The following TRAPPC9 variants were observed in gnomAD, a reference collection of about 807,000 sequenced individuals.
TRAPPC9 encodes trafficking protein particle complex subunit 9.
A neutral mutation model predicts 124.0 loss-of-function variants in TRAPPC9; 83 were observed. The ratio of observed to expected loss-of-function variants is 0.67; its 90% CI spans 0.56 to 0.80. The LOEUF is 0.80. TRAPPC9 is among the 30% of genes least tolerant of loss of function. The pLI is 0.00. For missense variants in TRAPPC9, 1,302 were observed against 1,508.3 expected, an observed-to-expected ratio of 0.86 and a Z score of 2.27; for synonymous variants, 638 against 617.5, an observed-to-expected ratio of 1.03 and a Z score of -0.49.
intron 16 of TRAPPC9, among the ~76,000 whole-genome samples, chr8:140,228,190 G>A (rs186330533): frequency 4.6e-5 from 7 of 152,302 alleles, no homozygotes; most frequent in Non-Finnish European, 1.0e-4. Flanking sequence ...CTTGTGAGAG[G>A]CACCAAAAAT....
At chr8:139,944,505 C>T (rs1016348126) in intron 19 of TRAPPC9, among the ~76,000 whole-genome samples, 28 of 152,118 alleles carry the variant, frequency 1.8e-4, no homozygotes, top group African/African-American at 4.3e-4. Flanking sequence ...TGAAATGACA[C>T]AATAATAACT....
intron 20 of TRAPPC9, among the ~76,000 whole-genome samples, chr8:139,887,837 A>G (rs1397657152): frequency 6.6e-6 from 1 of 152,186 alleles, no homozygotes; most frequent in African/African-American, 2.4e-5. Flanking sequence ...TGGTTCACAG[A>G]AGTTGCTCAA....
At chr8:140,168,067 C>T (rs1363113225) in intron 17 of TRAPPC9, among the ~76,000 whole-genome samples, 1 of 152,246 alleles carries the variant, frequency 6.6e-6, no homozygotes, top group African/African-American at 2.4e-5. Context: ...CATCATCTCC[C>T]ACTCCCCAAA....
intron 5 of TRAPPC9, among the ~76,000 whole-genome samples, chr8:140,421,984 CAAAAAA>C (rs35152459): frequency 2.3e-5 from 1 of 43,986 alleles, no homozygotes; most frequent in African/African-American, 9.3e-5. Context: ...TCCCTCATGA[CAAAAAA>C]AAAAAAAAAA....
At chr8:140,228,868 TA>T (rs1370795765) in intron 16 of TRAPPC9, among the ~76,000 whole-genome samples, 1 of 151,950 alleles carries the variant, frequency 6.6e-6, no homozygotes, top group African/African-American at 2.4e-5. Flanking sequence ...ACTTTGAGGG[TA>T]GGGGGGAAGA....
chr8:139,967,258 G>T (rs1835764793), intron 19 of TRAPPC9, among the ~76,000 whole-genome samples: 1 of 152,208 alleles, frequency 6.6e-6, no homozygotes. Context: ...TCCCCAGTAT[G>T]TCTCAGAGAG....
chr8:140,405,721 G>T, intron 5 of TRAPPC9, 23 bp from the exon 6 acceptor site: 2 of 1,613,936 alleles, frequency 1.2e-6, no homozygotes, highest in Non-Finnish European at 1.7e-6. Context: ...AGGAAGAAAA[G>T]AAATAATCTT....
At chr8:139,800,951 C>T (rs1586871771) in intron 21 of TRAPPC9, among the ~76,000 whole-genome samples, 1 of 149,724 alleles carries the variant, frequency 6.7e-6, no homozygotes, top group Admixed American at 6.6e-5. Flanking sequence ...TCCCTCCATC[C>T]GGTACCTGTA....
intron 17 of TRAPPC9, among the ~76,000 whole-genome samples, chr8:140,094,253 C>T (rs1268143963): frequency 6.6e-6 from 1 of 152,238 alleles, no homozygotes; most frequent in East Asian, 1.9e-4. Context: ...CAGGGAGGTG[C>T]ACCCACAGTA....
intron 2 of TRAPPC9, among the ~76,000 whole-genome samples, chr8:140,445,638 G>C (rs1241812738): frequency 6.6e-6 from 1 of 152,194 alleles, no homozygotes; most frequent in Non-Finnish European, 1.5e-5. Context: ...TCCCTGCCCT[G>C]CATTTTCCAA....
chr8:140,357,787 G>C (rs1247096657), intron 9 of TRAPPC9, among the ~76,000 whole-genome samples: 1 of 152,212 alleles, frequency 6.6e-6, no homozygotes, highest in Admixed American at 6.5e-5. Context: ...ATGGGCCATG[G>C]AGCCAGCTTC....
At chr8:139,816,197 T>C (rs1183781835) in intron 21 of TRAPPC9, among the ~76,000 whole-genome samples, 1 of 152,024 alleles carries the variant, frequency 6.6e-6, no homozygotes, top group African/African-American at 2.4e-5. Context: ...CCAGACTTGA[T>C]AGATGAGAGG....
Position 139,732,072 on chromosome 8 carries a change from C to T in TRAPPC9, c.3186G>A (p.Val1062=). The stretch of plus-strand genomic sequence containing the variant: ...CGTTCTGGTGGTCCTGGAAGGGGAC[C>T]ACAGTGAGGGCGAAGGGCCCTACGC... The part of the protein sequence containing the change: ...PRSVGPFALT[V]VPFQDHQNGV... Residue 1062 remains valine, a synonymous_variant, in exon 22 of 23, where the codon GTG becomes GTA. Coordinates refer to ENST00000438773, the MANE Select transcript of TRAPPC9 (RefSeq NM_001160372.4). The T allele has an allele frequency of 6.2e-7, 1 of 1,605,752 alleles. No homozygotes were observed. The highest frequency in any genetic ancestry group is 8.5e-7 in the Non-Finnish European group (1 of 1,176,308).
At chr8:139,809,152 T>C (rs535834275) in intron 21 of TRAPPC9, among the ~76,000 whole-genome samples, 1 of 152,324 alleles carries the variant, frequency 6.6e-6, no homozygotes, top group South Asian at 2.1e-4. Context: ...ATCCAGATAA[T>C]CCACTTAACT....
intron 21 of TRAPPC9, among the ~76,000 whole-genome samples, chr8:139,863,738 G>A (rs1828328263): frequency 6.6e-6 from 1 of 152,242 alleles, no homozygotes; most frequent in Non-Finnish European, 1.5e-5. Context: ...GGAAGGCAGG[G>A]ACAACCCCGA....
chr8:140,060,720 AGGAAGGATTAGGG>A (rs1842560087), intron 17 of TRAPPC9, among the ~76,000 whole-genome samples: 1 of 150,940 alleles, frequency 6.6e-6, no homozygotes, highest in Non-Finnish European at 1.5e-5. Context: ...TTCTGGGGGG[AGGAAGGATTAGGG>A]GGAAGGATTT....
Position 139,730,570 on chromosome 8 carries a change from G to C in TRAPPC9, c.*491C>G, listed in dbSNP as rs1045995356. 1 of 163,632 alleles carries C rather than the reference G, an allele frequency of 6.1e-6. No individual in the cohort carries two copies. The highest frequency in any genetic ancestry group is 2.4e-5 in the African/African-American group (1 of 41,700). The allele number at this position is 163,632 out of a possible 1,614,324, so 10.1% of individuals were successfully genotyped here. A position where few individuals can be genotyped will look rare whatever the true frequency, so the allele number is the denominator to read the frequency against. ...GCCAAGTTGCCCATGGGGGTCTCCA[G>C]GAAGAAAACCAGCCTTGGGGGATTC... On this transcript the variant is annotated 3_prime_UTR_variant, in exon 23 of 23. Coordinates refer to ENST00000438773, the MANE Select transcript of TRAPPC9 (RefSeq NM_001160372.4).
chr8:139,853,592 G>A (rs1040660110), intron 21 of TRAPPC9, among the ~76,000 whole-genome samples: 4 of 152,202 alleles, frequency 2.6e-5, no homozygotes, highest in Non-Finnish European at 2.9e-5. Flanking sequence ...AACAAACAGG[G>A]CTTCAGCCAC....
At chr8:140,307,922 A>G (rs1394062199) in intron 10 of TRAPPC9, among the ~76,000 whole-genome samples, 1 of 152,218 alleles carries the variant, frequency 6.6e-6, no homozygotes. Flanking sequence ...TTAATAAACT[A>G]GAAAAATATC....
Sources: gnomAD v4.1 joint callset for allele counts (sites outside exome capture counted in the v4.1 genomes callset) on GRCh38, gnomAD v4.1.1 for gene constraint, MANE v1.5 for transcripts, NCBI Gene and HGNC (gene_info 2026-07-23, HGNC 2026-07-21) for gene names.